Variants in BTRC observed in about 807,000 individuals in gnomAD.
BTRC encodes the protein beta-transducin repeat containing E3 ubiquitin protein ligase.
A neutral mutation model predicts 85.5 loss-of-function variants in BTRC; 42 were observed. The ratio of observed to expected loss-of-function variants is 0.49; its 90% confidence interval spans 0.38 to 0.64. The LOEUF (loss-of-function observed/expected upper bound fraction) is 0.64, where lower values mean the gene tolerates loss of function less well. Among genes scored for constraint, BTRC ranks in the 30% least tolerant of loss-of-function variants. BTRC has a pLI of 0.00. For missense variants in BTRC, 594 were observed against 743.5 expected (o/e 0.80, Z 2.34); for synonymous variants, 255 against 263.3 (o/e 0.97, Z 0.30).
intron 4 of BTRC, among the ~76,000 whole-genome samples, chr10:101,518,613 G>A (rs746173723): frequency 2.4e-4 from 37 of 152,106 alleles, no homozygotes; most frequent in Admixed American, 2.0e-3. Flanking sequence ...TACCACCACC[G>A]GAATGACCAG....
chr10:101,402,985 G>A (rs1358879761), intron 1 of BTRC, among the ~76,000 whole-genome samples: 4 of 152,090 alleles, frequency 2.6e-5, no homozygotes, highest in Admixed American at 6.6e-5. Context: ...TTAATGTGTG[G>A]TGGCTAAACC....
chr10:101,366,011 GTCTC>G (rs1451355557), intron 1 of BTRC, among the ~76,000 whole-genome samples: 4 of 151,996 alleles, frequency 2.6e-5, no homozygotes, highest in African/African-American at 7.2e-5. Context: ...CCTACTTAGG[GTCTC>G]TCTCTATTTT....
At chr10:101,531,482 A>G in intron 7 of BTRC, 149 bp downstream of exon 7, 2 of 602,624 alleles carry the variant, frequency 3.3e-6, no homozygotes, top group Non-Finnish European at 5.7e-6. Context: ...TCACACCTGT[A>G]ATCCCAGCAT....
intron 3 of BTRC, among the ~76,000 whole-genome samples, chr10:101,474,435 C>G (rs753651815): frequency 2.6e-5 from 4 of 152,218 alleles, no homozygotes; most frequent in Admixed American, 2.0e-4. Context: ...ACTCTAAACT[C>G]TTTCTCCCCC....
intron 2 of BTRC, among the ~76,000 whole-genome samples, chr10:101,459,185 CTGA>C (rs1945157641): frequency 6.6e-6 from 1 of 152,116 alleles, no homozygotes. Flanking sequence ...ATAATTTAGC[CTGA>C]TGATCTAGGA....
At chr10:101,446,966 A>T (rs1564778285) in intron 2 of BTRC, among the ~76,000 whole-genome samples, 1 of 124,604 alleles carries the variant, frequency 8.0e-6, no homozygotes, top group Non-Finnish European at 1.6e-5. Flanking sequence ...TCCTCTTGAA[A>T]GCAGAGTCTG....
chr10:101,441,424 A>G (rs1413535311), intron 2 of BTRC, among the ~76,000 whole-genome samples: 1 of 152,196 alleles, frequency 6.6e-6, no homozygotes, highest in Non-Finnish European at 1.5e-5. Context: ...TCAGCATTGG[A>G]CCAGACATCA....
chr10:101,419,379 C>G (rs1426457981), intron 1 of BTRC, among the ~76,000 whole-genome samples: 1 of 152,140 alleles, frequency 6.6e-6, no homozygotes, highest in South Asian at 2.1e-4. Flanking sequence ...TTTAGAATCT[C>G]TCTCACAAGG....
At chr10:101,429,900 T>C (rs553823817) in intron 1 of BTRC, among the ~76,000 whole-genome samples, 147 of 152,214 alleles carry the variant, frequency 9.7e-4, no homozygotes, top group African/African-American at 3.4e-3. Flanking sequence ...CTGTGGTGTT[T>C]TGTTTTCTAA....
Position 101,414,621 on chromosome 10 carries a change from G to A in BTRC, c.49-15724G>A, listed in dbSNP as rs754206593. On this transcript the variant is annotated intron_variant, in intron 1 of 14. Transcript: ENST00000370187. ...AGAAAAAGGCATTGATGTCATAGGA[G>A]ATGACAGGTCCATAGATGTTAATTG... The A allele has an allele frequency of 7.7e-6, 4 of 516,626 alleles. No individual in the cohort carries two copies. In the East Asian group the frequency reaches 2.2e-4, roughly 28 times the overall value. 32.0% of individuals were successfully genotyped at this position (516,626 alleles called of 1,614,324 possible). A position where few individuals can be genotyped will look rare whatever the true frequency, so the allele number is the denominator to read the frequency against.
At chr10:101,369,006 G>C (rs113978184) in intron 1 of BTRC, among the ~76,000 whole-genome samples, 1 of 152,070 alleles carries the variant, frequency 6.6e-6, no homozygotes, top group Non-Finnish European at 1.5e-5. Context: ...GCGACAGAGC[G>C]AGACTCCATC....
chr10:101,531,372 C>G (rs2062278769), intron 7 of BTRC, 39 bp downstream of exon 7: 3 of 1,406,224 alleles, frequency 2.1e-6, no homozygotes, highest in Non-Finnish European at 3.0e-6. Context: ...CCCAAGGGCA[C>G]AGAATTATCA....
intron 4 of BTRC, among the ~76,000 whole-genome samples, chr10:101,498,214 C>T (rs549923474): frequency 2.0e-5 from 3 of 152,074 alleles, no homozygotes; most frequent in South Asian, 4.2e-4. Flanking sequence ...AGTGCGGTGG[C>T]GTGATCTCAG....
At position 101,447,274 on chromosome 10, in the gene BTRC, T is replaced by G. The variant is rs1190777807; in HGVS notation, c.157-14707T>G. ...TCAAGTGACCCACAAGTCAGTGCTC[T>G]CAGACTTGATTCCACTCAGAAAGAA... On this transcript the variant is annotated intron_variant, in intron 2 of 14. Coordinates refer to ENST00000370187, the MANE Select transcript of BTRC (RefSeq NM_033637.4). Among the ~76,000 whole-genome samples, 3 of 152,146 alleles carry G rather than the reference T, an allele frequency of 2.0e-5. No homozygotes were observed. The East Asian group carries it at 5.8e-4, about 29-fold the overall frequency.
At chr10:101,491,533 A>G (rs1407926781) in intron 4 of BTRC, among the ~76,000 whole-genome samples, 1 of 152,070 alleles carries the variant, frequency 6.6e-6, no homozygotes, top group African/African-American at 2.4e-5. Context: ...AGTTTCTACT[A>G]AAACTACAAA....
chr10:101,438,324 C>G (rs1380665688), intron 2 of BTRC, among the ~76,000 whole-genome samples: 2 of 143,768 alleles, frequency 1.4e-5, no homozygotes, highest in African/African-American at 5.2e-5. Flanking sequence ...CCTCGGGAGG[C>G]TGAGGCAGGA....
intron 1 of BTRC, among the ~76,000 whole-genome samples, chr10:101,386,102 G>A (rs1590229312): frequency 6.6e-6 from 1 of 152,176 alleles, no homozygotes; most frequent in East Asian, 1.9e-4. Flanking sequence ...CAGGCAAGGG[G>A]CCACAATTAA....
chr10:101,502,632 T>C (rs1946424461), intron 4 of BTRC, among the ~76,000 whole-genome samples: 1 of 152,194 alleles, frequency 6.6e-6, no homozygotes, highest in South Asian at 2.1e-4. Context: ...AATATAGTGA[T>C]AGTAGCATCC....
At chr10:101,354,145 C>T (rs369894484), upstream of BTRC, 3 of 1,547,542 alleles carry the variant, frequency 1.9e-6, no homozygotes, top group Non-Finnish European at 1.7e-6. Context: ...AAAGGGGCGG[C>T]CCCGGCGGAG....
Sources: gnomAD v4.1 joint callset for allele counts (sites outside exome capture counted in the v4.1 genomes callset) on GRCh38, gnomAD v4.1.1 for gene constraint, MANE v1.5 for transcripts, NCBI Gene and HGNC (gene_info 2026-07-23, HGNC 2026-07-21) for gene names.